Variants in LDHD observed in about 807,000 individuals in gnomAD.
LDHD encodes D-lactate dehydrogenase, mitochondrial.
A neutral mutation model predicts 52.9 loss-of-function variants in LDHD; 58 were observed. That is an observed-to-expected ratio of 1.10 (90% CI 0.89 to 1.36). LDHD has a LOEUF of 1.36. Ranked by LOEUF, LDHD falls within the 40% of genes most tolerant of loss-of-function variation. LDHD has a pLI of 0.00. For missense variants in LDHD, 747 were observed against 668.0 expected, an observed-to-expected ratio of 1.12 and a Z score of -1.30; for synonymous variants, 350 against 288.6, an observed-to-expected ratio of 1.21 and a Z score of -2.16.
Position 75,113,985 on chromosome 16 carries a change from T to A in LDHD, c.810A>T (p.Ala270=). Residue 270 remains alanine (A), a synonymous_variant, in exon 6 of 11, where the codon GCA becomes GCT. Transcript: ENST00000450168. ...VDSTVHILQA[A]VPVARIEFLD... ...GCTCACCAATGCGGGCTACGGGCAC[T>A]GCAGCCTGGAGGATGTGTACAGTGC... 6.3e-7 allele frequency: 1 copy of A among 1,599,662 alleles called. No homozygotes were observed. Among genetic ancestry groups the A allele is most frequent in the Non-Finnish European group, 8.5e-7 (1 of 1,172,630 alleles).
Position 75,112,360 on chromosome 16 carries a change from AG to A in LDHD, c.1450del (p.Leu484CysfsTer8). 6.2e-7 allele frequency: 1 copy of A among 1,608,966 alleles called. No homozygotes were observed. The highest frequency in any genetic ancestry group is 8.5e-7 in the Non-Finnish European group (1 of 1,176,608). The part of the protein sequence containing the change: ...PQGLMNPGKV[L>X] ...GGCTAAGTGCTCAGACCCCCTTCAC[AG>A]CACTTTGCCTGGATTCATGAGGCCT... On this transcript the variant is annotated frameshift_variant, in exon 11 of 11. Coordinates refer to ENST00000450168, the MANE Select transcript of LDHD (RefSeq NM_194436.3). LOFTEE classifies it high-confidence loss of function.
chr16:75,113,659 T>A lies in LDHD; in HGVS notation c.962A>T (p.Glu321Val). Reference protein sequence around the residue: ...ALEEQLQRTEEIVQQNGASDF... With the variant: ...ALEEQLQRTEVIVQQNGASDF... ...AGAGGCTCCGTTCTGCTGGACTATC[T>A]CCTCTGCAGTTGGGGAAGGGGGGCT... Residue 321 changes from glutamate to valine, a missense_variant, in exon 8 of 11, where the codon GAG becomes GTG. Glu to Val is a moderately radical substitution (Grantham distance 121, BLOSUM62 -2). Transcript: ENST00000450168. 6.2e-7 allele frequency: 1 copy of A among 1,613,350 alleles called. No individual in the cohort carries two copies.
At chr16:75,115,683 C>T (rs1368587006) in intron 1 of LDHD, 23 bp from the exon 2 acceptor site, 1 of 1,463,130 alleles carries the variant, frequency 6.8e-7, no homozygotes, top group Non-Finnish European at 9.4e-7. Context: ...AACACACTGC[C>T]AGGGTCCCCC....
In LDHD at chr16:75,112,442, C is replaced by T. The variant is rs1361282026; in HGVS notation, c.1369G>A (p.Val457Met). The T allele has an allele frequency of 1.9e-6, 3 of 1,613,472 alleles. No individual in the cohort carries two copies. Among genetic ancestry groups the T allele is most frequent in the Middle Eastern group, 3.3e-4 (2 of 6,060 alleles). ...ATGGTCTCCACGCCCACGGCGCCCA[C>T]CTCCTCCTGCAGCAGCTGCCGCTTG... The part of the protein sequence containing the change: ...MGKRQLLQEE[V>M]GAVGVETMRQ... Residue 457 changes from valine (V) to methionine (M), a missense_variant, in exon 11 of 11, where the codon GTG (valine) becomes ATG (methionine). By Grantham distance (21) the Val-to-Met change is conservative (BLOSUM62 1). Transcript: ENST00000450168.
At position 75,113,590 on chromosome 16, in the gene LDHD, C is replaced by G. The variant is rs756198036; in HGVS notation, c.1031G>C (p.Trp344Ser). The G allele has an allele frequency of 4.5e-5, 72 of 1,613,086 alleles. No individual in the cohort carries two copies. The highest frequency in any genetic ancestry group is 1.2e-4 in the Admixed American group (7 of 59,996). ...AKEAEERSRL[W>S]TARHNAWYAA... ...GTACCAGGCATTGTGCCGTGCTGTCCAAAGCCGGCTGCGCTCCTCGGCCTC... is the reference window on the plus strand; with the variant it reads ...GTACCAGGCATTGTGCCGTGCTGTCGAAAGCCGGCTGCGCTCCTCGGCCTC... The change falls in exon 8 of 11, where the codon TGG (tryptophan) becomes TCG (serine). Residue 344 changes from tryptophan (W) to serine (S), a missense_variant. Physicochemically the swap from Trp to Ser is radical, Grantham distance 177. Transcript: ENST00000450168.
Position 75,116,755 on chromosome 16 carries a change from T to G in LDHD, c.-35A>C, listed in dbSNP as rs1597926803. On this transcript the variant is annotated 5_prime_UTR_variant, in exon 1 of 11. Transcript: ENST00000450168. The stretch of plus-strand genomic sequence containing the variant: ...CTGGCCAGAGGGTGTGAGCACTGGG[T>G]GGCAGGGTGACCAGTCAGCTACTGT... 2 of 1,447,482 alleles carry G rather than the reference T, an allele frequency of 1.4e-6. No homozygotes were observed. The highest frequency in any genetic ancestry group is 1.9e-6 in the Non-Finnish European group (2 of 1,069,440). 89.7% of individuals were successfully genotyped at this position (1,447,482 alleles called of 1,614,324 possible).
Position 75,113,637 on chromosome 16 carries a change from G to C in LDHD, c.984C>G (p.Ala328=), listed in dbSNP as rs2036461751. 6.2e-7 allele frequency: 1 copy of C among 1,613,260 alleles called. No homozygotes were observed. Among genetic ancestry groups the C allele is most frequent in the Non-Finnish European group, 8.5e-7 (1 of 1,180,014 alleles). ...RTEEIVQQNG[A]SDFSWAKEAE... ...CCTCCTTGGCCCAGGAGAAGTCAGA[G>C]GCTCCGTTCTGCTGGACTATCTCCT... The change falls in exon 8 of 11, where the codon GCC becomes GCG. Residue 328 remains alanine (A), a synonymous_variant. Coordinates refer to ENST00000450168, the MANE Select transcript of LDHD (RefSeq NM_194436.3).
rs1186553620 is a variant in LDHD at position 75,112,709 on chromosome 16, G to A, written c.1182C>T (p.Ser394=). The change falls in exon 10 of 11, where the codon AGC becomes AGT. Residue 394 remains serine, a synonymous_variant. Transcript: ENST00000450168. ...TGCCGTCACCCACATGCCCGACAAT[G>A]CTTCCTGGGGGCCCAGAGGACAGAA... ...EDLNASGLTG[S]IVGHVGDGNF... The A allele has an allele frequency of 6.2e-7, 1 of 1,613,298 alleles. No individual in the cohort carries two copies. The highest frequency in any genetic ancestry group is 8.5e-7 in the Non-Finnish European group (1 of 1,179,348).
Position 75,112,492 on chromosome 16 carries a change from G to C in LDHD, c.1319C>G (p.Thr440Arg), listed in dbSNP as rs764877688. The change falls in exon 11 of 11, where the codon ACG becomes AGG. Residue 440 changes from threonine (T) to arginine (R), a missense_variant. Thr to Arg is a moderately conservative substitution (Grantham distance 71, BLOSUM62 -1). Transcript: ENST00000450168. ...GCCCATTCCGATGCCATGCTCCCCC[G>C]TGCACGTTCCGTGGAGAGCCAGTGC... ...RRALALHGTC[T>R]GEHGIGMGKR... The C allele has an allele frequency of 5.0e-6, 8 of 1,613,370 alleles. No individual in the cohort carries two copies. In the South Asian group the frequency reaches 8.8e-5, roughly 18 times the overall value.
rs376386692 is a variant in LDHD at position 75,113,700 on chromosome 16, C to G, written c.959-38G>C. ...AAGGGGGGCTGACACCGGGCCGCCA[C>G]TGAGGCAGCCCACCCTGCTGCCCCA... On this transcript the variant is annotated intron_variant, in intron 7 of 10. Transcript: ENST00000450168. 7 of 1,613,024 alleles carry G rather than the reference C, an allele frequency of 4.3e-6. No individual in the cohort carries two copies. In the Middle Eastern group the frequency reaches 6.6e-4, roughly 152 times the overall value.
At position 75,116,644 on chromosome 16, in the gene LDHD, G is replaced by A. The variant is rs145496919; in HGVS notation, c.72+5C>T. 6.6e-4 allele frequency: 1,061 copies of A among 1,604,736 alleles called. 11 individuals carry two copies. In the East Asian group the frequency reaches 0.022, roughly 33 times the overall value. ...CTCCAGAGGACTTCTCTTCTCTCCC[G>A]GTACCTTTGCCTTCTGGGAGCAGTA... On this transcript the variant is annotated splice_donor_5th_base_variant and intron_variant, in intron 1 of 10. Transcript: ENST00000450168.
Position 75,116,697 on chromosome 16 carries a change from T to G in LDHD, c.24A>C (p.Ala8=). 1.9e-6 allele frequency: 3 copies of G among 1,600,786 alleles called. No homozygotes were observed. Among genetic ancestry groups the G allele is most frequent in the Non-Finnish European group, 2.6e-6 (3 of 1,174,804 alleles). Residue 8 remains alanine (A), a synonymous_variant, in exon 1 of 11, where the codon GCA becomes GCC. Transcript: ENST00000450168. The part of the protein sequence containing the change: MARLLRS[A]TWELFPWRGY... ...CCCTCCAGGGGAACAGCTCCCAGGT[T>G]GCAGACCTGAGCAGTCGGGCCATAG...
intron 4 of LDHD, 25 bp downstream of exon 4, chr16:75,114,802 C>T (rs1567504137): frequency 1.2e-6 from 2 of 1,605,742 alleles, no homozygotes; most frequent in East Asian, 2.2e-5. Flanking sequence ...CCCTCAGGGT[C>T]CCAGGAAAGG....
intron 8 of LDHD, among the ~76,000 whole-genome samples, chr16:75,113,241 T>A (rs1216441355): frequency 6.6e-6 from 1 of 152,120 alleles, no homozygotes; most frequent in African/African-American, 2.4e-5. Flanking sequence ...CTATCATCTC[T>A]TCCTCCAGGA....
chr16:75,112,765 C>T, intron 9 of LDHD, 52 bp from the exon 10 acceptor site: 2 of 1,601,260 alleles, frequency 1.2e-6, no homozygotes, highest in Non-Finnish European at 1.7e-6. Flanking sequence ...CCTCTTGCCT[C>T]CTGCTGCCCC....
chr16:75,115,194 G>A lies in LDHD; in HGVS notation c.327+4C>T. The A allele has an allele frequency of 6.2e-7, 1 of 1,611,604 alleles. No individual in the cohort carries two copies. The highest frequency in any genetic ancestry group is 1.1e-5 in the South Asian group (1 of 91,046). Reference sequence around the variant, plus strand: ...TCGGGCCGGGCGAGGGAGCCCCACTGTACCTGCACAGCACAGACGCCACCC... The same window carrying A: ...TCGGGCCGGGCGAGGGAGCCCCACTATACCTGCACAGCACAGACGCCACCC... On this transcript the variant is annotated splice_donor_region_variant and intron_variant, in intron 3 of 10. Transcript: ENST00000450168.
chr16:75,115,329 G>T lies in LDHD; in HGVS notation c.196C>A (p.Pro66Thr). The T allele has an allele frequency of 6.2e-7, 1 of 1,613,618 alleles. No individual in the cohort carries two copies. Among genetic ancestry groups the T allele is most frequent in the Non-Finnish European group, 8.5e-7 (1 of 1,180,018 alleles). Residue 66 changes from proline (P) to threonine (T), a missense_variant, in exon 3 of 11, where the codon CCT (proline) becomes ACT (threonine). Coordinates refer to ENST00000450168, the MANE Select transcript of LDHD (RefSeq NM_194436.3). ...RDESVHRCEP[P>T]DAVVWPQNVE... ...TTCTGGGGCCACACCACAGCATCAG[G>T]AGGTTCGCACCTAGAACCAGACCCT... is the stretch of plus-strand genomic sequence containing the variant.
intron 5 of LDHD, 30 bp from the exon 6 acceptor site, chr16:75,114,195 C>A: frequency 6.2e-7 from 1 of 1,608,880 alleles, no homozygotes; most frequent in South Asian, 1.1e-5. Context: ...AAGGTGAGTA[C>A]CAGGCTGTGT....
chr16:75,114,739 G>C, intron 4 of LDHD, 54 bp from the exon 5 acceptor site: 1 of 1,557,576 alleles, frequency 6.4e-7, no homozygotes, highest in East Asian at 2.3e-5. Flanking sequence ...CTTTCCCTCG[G>C]GCTGGGGGAG....
Sources: allele counts gnomAD v4.1 joint callset (sites outside exome capture counted in the v4.1 genomes callset), GRCh38; gene constraint gnomAD v4.1.1; transcripts MANE v1.5; gene names NCBI Gene and HGNC (gene_info 2026-07-23, HGNC 2026-07-21).